Variants in FETUB observed in about 807,000 individuals in gnomAD.
FETUB encodes fetuin-B.
FETUB carries 28 observed loss-of-function variants against 30.9 expected under a neutral mutation model. The observed-to-expected ratio is 0.90, with a 90% CI of 0.67 to 1.24. The LOEUF (loss-of-function observed/expected upper bound fraction) is 1.24. Among genes scored for constraint, FETUB ranks in the 50% most tolerant of loss-of-function variants. FETUB has a pLI of 0.00. For missense variants in FETUB, 469 were observed against 455.3 expected (o/e 1.03, Z -0.27); for synonymous variants, 186 against 175.9 (o/e 1.06, Z -0.45).
intron 1 of FETUB, 131 bp downstream of exon 1, chr3:186,640,816 C>G: frequency 5.0e-6 from 4 of 793,962 alleles, no homozygotes; most frequent in Non-Finnish European, 8.6e-6. Flanking sequence ...ACTCTCTGTT[C>G]TCCTCTGCCA....
intron 5 of FETUB, among the ~76,000 whole-genome samples, chr3:186,650,453 A>T (rs1475089878): frequency 6.6e-6 from 1 of 152,158 alleles, no homozygotes; most frequent in Non-Finnish European, 1.5e-5. Flanking sequence ...ATTAGATTCA[A>T]TCTAGCTGTC....
rs980755621 is a variant in FETUB, at chr3:186,652,588, C to T, written c.1106C>T (p.Pro369Leu). 94 of 1,612,556 alleles carry T rather than the reference C, an allele frequency of 5.8e-5. No individual in the cohort carries two copies. The highest frequency in any genetic ancestry group is 7.8e-5 in the Non-Finnish European group (92 of 1,179,666). The change falls in exon 7 of 7, where the codon CCA becomes CTA. Residue 369 changes from proline (P) to leucine (L), a missense_variant. Physicochemically the swap from Pro to Leu is moderately conservative, Grantham distance 98. Transcript: ENST00000265029. Reference sequence around the variant, plus strand: ...GAAAAAGCACGCACTGCTGAGTGCCCAGGGCCAGCCCAGAATGCCAGCCCT... The same window carrying T: ...GAAAAAGCACGCACTGCTGAGTGCCTAGGGCCAGCCCAGAATGCCAGCCCT... Reference protein sequence around the residue: ...PKEKARTAECPGPAQNASPLV... With the variant: ...PKEKARTAECLGPAQNASPLV...
At chr3:186,645,370 T>A (rs1717419743) in intron 4 of FETUB, among the ~76,000 whole-genome samples, 4 of 152,154 alleles carry the variant, frequency 2.6e-5, no homozygotes, top group Admixed American at 2.6e-4. Flanking sequence ...CTTTCTCTAT[T>A]TCATTCTTTC....
chr3:186,640,381 T>A (rs544407671), upstream of FETUB: 237 of 1,096,608 alleles, frequency 2.2e-4, 1 homozygote, highest in East Asian at 5.6e-3. Flanking sequence ...ACCGCTCAAG[T>A]CTGCCTTAAA....
chr3:186,652,808 C>A lies in FETUB; in HGVS notation c.*177C>A. On this transcript the variant is annotated 3_prime_UTR_variant, in exon 7 of 7. Transcript: ENST00000265029. Reference sequence around the variant, plus strand: ...GGAAATAATGAGACTGAGCCCTCGGCTTGGGCTGCACTCTACCCTGTACAC... The same window carrying A: ...GGAAATAATGAGACTGAGCCCTCGGATTGGGCTGCACTCTACCCTGTACAC... 2.8e-6 allele frequency: 2 copies of A among 709,812 alleles called. No homozygotes were observed. The highest frequency in any genetic ancestry group is 4.5e-6 in the Non-Finnish European group (2 of 444,064). 44.0% of individuals were successfully genotyped at this position (709,812 alleles called of 1,614,324 possible).
intron 5 of FETUB, among the ~76,000 whole-genome samples, chr3:186,649,854 C>A (rs1717858304): frequency 6.6e-6 from 1 of 152,194 alleles, no homozygotes; most frequent in Non-Finnish European, 1.5e-5. Flanking sequence ...CATGTATACC[C>A]TTTCTTTAGC....
rs1718158818 is a variant in FETUB, at chr3:186,652,623, C to T, written c.1141C>T (p.Pro381Ser). 2 of 1,602,950 alleles carry T rather than the reference C, an allele frequency of 1.2e-6. No individual in the cohort carries two copies. Among genetic ancestry groups the T allele is most frequent in the Non-Finnish European group, 1.7e-6 (2 of 1,175,988 alleles). The change falls in exon 7 of 7, where the codon CCG (proline) becomes TCG (serine). Residue 381 changes from proline to serine, a missense_variant. Pro to Ser is a moderately conservative substitution (Grantham distance 74). Transcript: ENST00000265029. ...PAQNASPLVL[P>S]P ...CCAGAATGCCAGCCCTCTTGTCCTT[C>T]CGCCATGAGAATCACACAGAGTCTT...
At chr3:186,643,750 C>T (rs1470696236) in intron 3 of FETUB, among the ~76,000 whole-genome samples, 2 of 152,154 alleles carry the variant, frequency 1.3e-5, no homozygotes, top group Admixed American at 1.3e-4. Context: ...TTATCTCCAC[C>T]AGTCCCCAAG....
chr3:186,639,560 T>C (rs1458328069), upstream of FETUB, among the ~76,000 whole-genome samples: 3 of 151,836 alleles, frequency 2.0e-5, no homozygotes, highest in Admixed American at 6.6e-5. Flanking sequence ...AAACTACTGC[T>C]GATATGTGTT....
chr3:186,649,470 G>GT (rs945083593), intron 5 of FETUB, among the ~76,000 whole-genome samples: 26 of 150,054 alleles, frequency 1.7e-4, no homozygotes, highest in African/African-American at 3.7e-4. Flanking sequence ...TTTGTTTTTT[G>GT]TTTTTTTTTC....
In FETUB at chr3:186,640,531, T is replaced by A. The variant is rs1363184236; in HGVS notation, c.71T>A (p.Leu24Gln). ...LCCGAMSPPQLALNPSALLSR... is the reference protein window; with the variant it reads ...LCCGAMSPPQQALNPSALLSR... ...TGCGGAGCAATGTCTCCACCCCAGC[T>A]GGCCCTCAACCCCTCGGCTCTGCTC... Residue 24 changes from leucine (L) to glutamine (Q), a missense_variant, in exon 1 of 7, where the codon CTG (leucine) becomes CAG (glutamine). Coordinates refer to ENST00000265029, the MANE Select transcript of FETUB (RefSeq NM_014375.3). The A allele has an allele frequency of 6.2e-7, 1 of 1,614,234 alleles. No homozygotes were observed. The highest frequency in any genetic ancestry group is 8.5e-7 in the Non-Finnish European group (1 of 1,180,030).
At chr3:186,643,896 C>T (rs889642999) in intron 3 of FETUB, among the ~76,000 whole-genome samples, 1 of 152,194 alleles carries the variant, frequency 6.6e-6, no homozygotes, top group Non-Finnish European at 1.5e-5. Context: ...TCTGACTGTA[C>T]TTAATGTGAT....
At chr3:186,646,608 C>T (rs1164460763) in intron 5 of FETUB, among the ~76,000 whole-genome samples, 1 of 152,214 alleles carries the variant, frequency 6.6e-6, no homozygotes, top group Non-Finnish European at 1.5e-5. Flanking sequence ...CTGCTTCAGT[C>T]TAACACAATC....
At chr3:186,640,979 A>G (rs66965282) in intron 1 of FETUB, 51 bp from the exon 2 acceptor site, 187,663 of 1,190,952 alleles carry the variant, frequency 0.16, 15,772 homozygotes, top group East Asian at 0.25. Context: ...TGGTCTTTCT[A>G]GGTTTCTACT....
At chr3:186,649,627 C>G (rs1717832892) in intron 5 of FETUB, among the ~76,000 whole-genome samples, 1 of 152,186 alleles carries the variant, frequency 6.6e-6, no homozygotes, top group South Asian at 2.1e-4. Flanking sequence ...CCTGCCACCT[C>G]ACCTGGCTAA....
In FETUB at chr3:186,652,706, CAG is replaced by C. The variant is rs1718168932; in HGVS notation, c.*78_*79del. 5 of 1,502,804 alleles carry C rather than the reference CAG, an allele frequency of 3.3e-6. No homozygotes were observed. The highest frequency in any genetic ancestry group is 2.8e-5 in the African/African-American group (2 of 71,644). 93.1% of individuals were successfully genotyped at this position (1,502,804 alleles called of 1,614,324 possible). ...AGGCGATGGGGACGATGGACAGAGA[CAG>C]AGCGTGCACACGTAGAGTGGCTAGT... On this transcript the variant is annotated 3_prime_UTR_variant, in exon 7 of 7. Transcript: ENST00000265029.
intron 4 of FETUB, among the ~76,000 whole-genome samples, chr3:186,645,484 C>T (rs191471259): frequency 1.3e-5 from 2 of 152,190 alleles, no homozygotes; most frequent in Non-Finnish European, 2.9e-5. Flanking sequence ...CATACCACCA[C>T]ACCTGGCTAA....
At chr3:186,642,090 G>C in intron 2 of FETUB, 1 of 179,250 alleles carries the variant, frequency 5.6e-6, no homozygotes. Context: ...TGCAGCCTCA[G>C]CTCACGACTT....
chr3:186,641,248 A>C (rs1205879186), intron 2 of FETUB, 108 bp downstream of exon 2: 1 of 691,758 alleles, frequency 1.4e-6, no homozygotes, highest in Admixed American at 2.2e-5. Flanking sequence ...TAAATGGCCC[A>C]CTTTATAATC....
Sources: gnomAD v4.1 joint callset for allele counts (sites outside exome capture counted in the v4.1 genomes callset) on GRCh38, gnomAD v4.1.1 for gene constraint, MANE v1.5 for transcripts, NCBI Gene and HGNC (gene_info 2026-07-23, HGNC 2026-07-21) for gene names.